The following PLCB1 variants were observed in gnomAD, a reference collection of about 807,000 sequenced individuals.
PLCB1 encodes phospholipase C beta 1, also known as 1-phosphatidylinositol 4,5-bisphosphate phosphodiesterase beta-1.
In PLCB1, 46 loss-of-function variants were observed where a neutral mutation model predicts 161.8. The observed-to-expected ratio is 0.28, with a 90% confidence interval of 0.22 to 0.36. The LOEUF (loss-of-function observed/expected upper bound fraction) is 0.36, where lower values mean the gene tolerates loss of function less well. Among genes scored for constraint, PLCB1 ranks in the 10% least tolerant of loss-of-function variants. The pLI, the probability that PLCB1 is intolerant of heterozygous loss-of-function variation, is 1.00. For synonymous variants in PLCB1, 517 were observed against 503.7 expected, an observed-to-expected ratio of 1.03 and a Z score of -0.35; for missense variants, 1,016 against 1,472.5, an observed-to-expected ratio of 0.69 and a Z score of 5.07.
At chr20:8,525,781 C>CT (rs202026947) in intron 3 of PLCB1, among the ~76,000 whole-genome samples, 11,170 of 142,626 alleles carry the variant, frequency 0.078, 596 homozygotes, top group East Asian at 0.27. Flanking sequence ...AAAAAAACAG[C>CT]TTTTTTTTTT....
chr20:8,531,898 AAT>A (rs758965162), intron 3 of PLCB1, among the ~76,000 whole-genome samples: 1 of 150,560 alleles, frequency 6.6e-6, no homozygotes, highest in African/African-American at 2.5e-5. Context: ...TTGTTTCATA[AAT>A]TTGGTTTAAT....
intron 24 of PLCB1, among the ~76,000 whole-genome samples, chr20:8,757,694 A>C (rs1159519991): frequency 5.3e-5 from 8 of 152,088 alleles, no homozygotes; most frequent in Non-Finnish European, 1.2e-4. Flanking sequence ...CCCATTGTGC[A>C]GATGAATAAG....
chr20:8,140,239 C>A (rs1365705265), intron 1 of PLCB1, among the ~76,000 whole-genome samples: 15 of 152,174 alleles, frequency 9.9e-5, no homozygotes. Context: ...GGAGAGCCAA[C>A]CTAAAGCCTG....
chr20:8,257,583 C>A (rs1981492205), intron 2 of PLCB1, among the ~76,000 whole-genome samples: 1 of 152,082 alleles, frequency 6.6e-6, no homozygotes, highest in Non-Finnish European at 1.5e-5. Context: ...TCTTTTTACG[C>A]CTCCCAGTAG....
chr20:8,759,860 C>CT (rs1323561876), intron 24 of PLCB1, among the ~76,000 whole-genome samples: 1 of 140,426 alleles, frequency 7.1e-6, no homozygotes, highest in East Asian at 2.1e-4. Context: ...TGTCTTTTCT[C>CT]TTTTCTCTCG....
chr20:8,657,895 G>A (rs1364379574), intron 8 of PLCB1, among the ~76,000 whole-genome samples: 1 of 151,980 alleles, frequency 6.6e-6, no homozygotes, highest in Non-Finnish European at 1.5e-5. Context: ...AACAAAATAA[G>A]GATTTCTTCA....
At chr20:8,142,528 A>G (rs2051414753) in intron 1 of PLCB1, among the ~76,000 whole-genome samples, 1 of 152,208 alleles carries the variant, frequency 6.6e-6, no homozygotes, top group Non-Finnish European at 1.5e-5. Context: ...TATTGGTTGA[A>G]GGTGATGATG....
At chr20:8,600,013 CAA>C (rs1987488207) in intron 3 of PLCB1, among the ~76,000 whole-genome samples, 1 of 81,362 alleles carries the variant, frequency 1.2e-5, no homozygotes, top group Non-Finnish European at 2.3e-5. Flanking sequence ...AAATTTTTTT[CAA>C]AGTTTTCAAC....
At chr20:8,198,862 A>G (rs1387647953) in intron 2 of PLCB1, among the ~76,000 whole-genome samples, 3 of 152,044 alleles carry the variant, frequency 2.0e-5, no homozygotes, top group African/African-American at 7.2e-5. Context: ...TTATGTGGTA[A>G]GCATTTCAAT....
At chr20:8,287,916 G>C (rs1983199516) in intron 2 of PLCB1, among the ~76,000 whole-genome samples, 1 of 152,202 alleles carries the variant, frequency 6.6e-6, no homozygotes, top group African/African-American at 2.4e-5. Context: ...AGAAGACAAA[G>C]ATGTGTGTTG....
At chr20:8,675,363 G>T (rs1325035793) in intron 9 of PLCB1, among the ~76,000 whole-genome samples, 1 of 152,146 alleles carries the variant, frequency 6.6e-6, no homozygotes, top group Non-Finnish European at 1.5e-5. Context: ...CTCTACCTGG[G>T]AGAAGATATA....
chr20:8,168,261 G>C (rs2051695088), intron 2 of PLCB1, among the ~76,000 whole-genome samples: 1 of 152,180 alleles, frequency 6.6e-6, no homozygotes, highest in South Asian at 2.1e-4. Flanking sequence ...AGAATAATTT[G>C]TGACTGTTTT....
chr20:8,367,122 A>G (rs2122324230), intron 2 of PLCB1, among the ~76,000 whole-genome samples: 1 of 152,328 alleles, frequency 6.6e-6, no homozygotes, highest in Admixed American at 6.5e-5. Flanking sequence ...TTTTTTCTTC[A>G]GCTAACTCTC....
intron 3 of PLCB1, among the ~76,000 whole-genome samples, chr20:8,464,239 A>G (rs371318948): frequency 2.6e-5 from 4 of 152,052 alleles, no homozygotes; most frequent in South Asian, 4.2e-4. Flanking sequence ...GGTGTTCTGA[A>G]ATTTCACTAA....
At chr20:8,146,011 G>A (rs1026298440) in intron 1 of PLCB1, among the ~76,000 whole-genome samples, 1 of 152,096 alleles carries the variant, frequency 6.6e-6, no homozygotes, top group African/African-American at 2.4e-5. Flanking sequence ...CCAGTATAGG[G>A]CATCCATTCT....
In PLCB1 at chr20:8,850,823, T is replaced by C. The variant is rs561954116; in HGVS notation, c.3424-30799T>C. ...GTGAGAAATAAATTTCTATTAATTA[T>C]AAATTACCTGGTCTAAGATATTATG... On this transcript the variant is annotated intron_variant, in intron 31 of 31. Transcript: ENST00000338037. 1.4e-3 allele frequency among the ~76,000 whole-genome samples: 211 copies of C among 152,308 alleles called. 1 individual carries two copies. Among genetic ancestry groups the C allele is most frequent in the African/African-American group, 4.8e-3 (199 of 41,554 alleles).
chr20:8,412,041 A>G (rs1880501460), intron 3 of PLCB1, among the ~76,000 whole-genome samples: 1 of 152,174 alleles, frequency 6.6e-6, no homozygotes, highest in African/African-American at 2.4e-5. Context: ...AAGAAAAAAA[A>G]AGAAGACAAT....
chr20:8,573,477 T>G (rs1179430160), intron 3 of PLCB1, among the ~76,000 whole-genome samples: 1 of 152,242 alleles, frequency 6.6e-6, no homozygotes, highest in Non-Finnish European at 1.5e-5. Context: ...TATTCCATTC[T>G]CTGAACCTAT....
At chr20:8,336,064 G>A (rs1422666123) in intron 2 of PLCB1, among the ~76,000 whole-genome samples, 1 of 152,200 alleles carries the variant, frequency 6.6e-6, no homozygotes, top group African/African-American at 2.4e-5. Flanking sequence ...GAGAAAAGTA[G>A]TCCAAGGGGA....
Sources: allele counts gnomAD v4.1 joint callset (sites outside exome capture counted in the v4.1 genomes callset), GRCh38; gene constraint gnomAD v4.1.1; transcripts MANE v1.5; gene names NCBI Gene and HGNC (gene_info 2026-07-23, HGNC 2026-07-21).